RPSA2: variants seen among roughly 807,000 people sequenced by gnomAD.
The protein encoded by RPSA2 is ribosomal protein SA 2, also known as small ribosomal subunit protein uS2B.
At chr19:23,866,372 C>T in the RPSA2 span, among the ~76,000 whole-genome samples, 3 of 152,180 alleles carry the variant, frequency 2.0e-5, no homozygotes, top group Admixed American at 2.0e-4. Flanking sequence ...CAAGCAATGG[C>T]TAGTTTAATA....
the RPSA2 span, among the ~76,000 whole-genome samples, chr19:23,822,052 A>C: frequency 1.3e-5 from 2 of 152,162 alleles, no homozygotes; most frequent in African/African-American, 4.8e-5. Context: ...TTCACCATGC[A>C]CTGATTTTCA....
At chr19:23,807,508 A>G in the RPSA2 span, among the ~76,000 whole-genome samples, 1 of 152,148 alleles carries the variant, frequency 6.6e-6, no homozygotes, top group Non-Finnish European at 1.5e-5. Context: ...TGAAAAACAT[A>G]TATAACTCAT....
chr19:23,837,830 C>G, the RPSA2 span, among the ~76,000 whole-genome samples: 78 of 152,206 alleles, frequency 5.1e-4, no homozygotes, highest in East Asian at 4.6e-3. Context: ...TGAATTTTGT[C>G]AGTTCTAGGA....
At chr19:23,758,820 G>A in the RPSA2 span, 9 of 1,604,716 alleles carry the variant, frequency 5.6e-6, no homozygotes, top group African/African-American at 9.4e-5. Flanking sequence ...GGGCCATAGA[G>A]GCTGGGCCTC....
At chr19:23,868,682 C>A in the RPSA2 span, among the ~76,000 whole-genome samples, 2 of 152,158 alleles carry the variant, frequency 1.3e-5, no homozygotes, top group Non-Finnish European at 2.9e-5. Context: ...ATGGAAATCC[C>A]TGGAAGAAGG....
the RPSA2 span, among the ~76,000 whole-genome samples, chr19:23,835,471 A>T: frequency 6.6e-6 from 1 of 152,178 alleles, no homozygotes; most frequent in East Asian, 1.9e-4. Flanking sequence ...GGTGAAAGCA[A>T]ATCTATGCTC....
At chr19:23,807,836 C>A in the RPSA2 span, 2 of 421,960 alleles carry the variant, frequency 4.7e-6, no homozygotes, top group Non-Finnish European at 9.4e-6. Flanking sequence ...GGACTCTTGA[C>A]GTTTAGGTAT....
chr19:23,794,179 T>C, the RPSA2 span, among the ~76,000 whole-genome samples: 1 of 152,216 alleles, frequency 6.6e-6, no homozygotes. Flanking sequence ...CATGCATCTT[T>C]ATGATAGAAT....
the RPSA2 span, among the ~76,000 whole-genome samples, chr19:23,761,906 T>TCTCTCTCTCTC: frequency 8.4e-4 from 77 of 92,116 alleles, 2 homozygotes; most frequent in East Asian, 1.4e-3. Context: ...ACGTAATTCT[T>TCTCTCTCTCTC]TCTTTCTTTC....
the RPSA2 span, among the ~76,000 whole-genome samples, chr19:23,766,401 G>C: frequency 0.98 from 146,776 of 150,042 alleles, 71,880 homozygotes; most frequent in Middle Eastern, 1. Flanking sequence ...CCCCCAATGA[G>C]ATAAAAATGA....
chr19:23,802,696 G>GTTAA, the RPSA2 span, among the ~76,000 whole-genome samples: 1 of 6,230 alleles, frequency 1.6e-4, no homozygotes, highest in Non-Finnish European at 2.6e-3. Flanking sequence ...GACTCAAACA[G>GTTAA]ATAAATTGAT....
At chr19:23,864,409 C>G in the RPSA2 span, among the ~76,000 whole-genome samples, 4 of 152,190 alleles carry the variant, frequency 2.6e-5, no homozygotes, top group South Asian at 8.3e-4. Context: ...TCTAAAATAT[C>G]CAGAAGACAG....
chr19:23,860,477 ACTT>A, the RPSA2 span, among the ~76,000 whole-genome samples: 2 of 152,064 alleles, frequency 1.3e-5, no homozygotes, highest in East Asian at 1.9e-4. Flanking sequence ...CCAGTTCTCC[ACTT>A]CTTCTTGCTG....
At chr19:23,775,451 A>G in the RPSA2 span, among the ~76,000 whole-genome samples, 1 of 152,210 alleles carries the variant, frequency 6.6e-6, no homozygotes, top group Non-Finnish European at 1.5e-5. Context: ...CCATAGCAGC[A>G]GAAAAGTCTC....
At chr19:23,823,723 G>C in the RPSA2 span, 252 of 152,304 alleles carry the variant, frequency 1.7e-3, no homozygotes, top group African/African-American at 5.7e-3. Flanking sequence ...TTCCTGCCTT[G>C]GGCCCCAAAA....
the RPSA2 span, among the ~76,000 whole-genome samples, chr19:23,851,535 A>C: frequency 2.0e-5 from 3 of 152,332 alleles, no homozygotes; most frequent in African/African-American, 7.2e-5. Flanking sequence ...CAGAATTATC[A>C]ATATGTTTAA....
At chr19:23,865,185 C>T in the RPSA2 span, among the ~76,000 whole-genome samples, 4 of 152,226 alleles carry the variant, frequency 2.6e-5, no homozygotes, top group South Asian at 4.2e-4. Flanking sequence ...AAGGTCAGTG[C>T]TCTAAAAAAG....
the RPSA2 span, among the ~76,000 whole-genome samples, chr19:23,836,579 T>C: frequency 2.7e-4 from 41 of 152,330 alleles, no homozygotes; most frequent in African/African-American, 8.4e-4. Flanking sequence ...TTTTAGTTCT[T>C]TAAGGAATTT....
At chr19:23,780,861 T>C in the RPSA2 span, among the ~76,000 whole-genome samples, 2 of 152,186 alleles carry the variant, frequency 1.3e-5, no homozygotes, top group Non-Finnish European at 2.9e-5. Flanking sequence ...ACCCAGTCAA[T>C]AGCAAAGATT....
Sources: allele counts gnomAD v4.1 joint callset (sites outside exome capture counted in the v4.1 genomes callset), GRCh38; gene constraint gnomAD v4.1.1; transcripts MANE v1.5; gene names NCBI Gene and HGNC (gene_info 2026-07-23, HGNC 2026-07-21).